Variants in SLC39A10 observed in about 807,000 individuals in gnomAD.
SLC39A10 encodes the protein zinc transporter ZIP10.
A neutral mutation model predicts 65.1 loss-of-function variants in SLC39A10; 13 were observed. The ratio of observed to expected loss-of-function variants is 0.20; its 90% CI spans 0.13 to 0.32. The LOEUF is 0.32. SLC39A10 is among the 10% of genes least tolerant of loss of function. The pLI is 1.00. For synonymous variants in SLC39A10, 321 were observed against 342.2 expected (o/e 0.94, Z 0.68); for missense variants, 831 against 1,018.4 (o/e 0.82, Z 2.50).
Position 195,613,090 on chromosome 2 carries a change from TG to T in SLC39A10, c.-12+6858del, listed in dbSNP as rs1458739811. ...CCAACAGGTGAAGTTAAGCACGTCC[TG>T]TAAGTGAATTGATTTGTTGTATAAA... On this transcript the variant is annotated intron_variant, in intron 2 of 2. Coordinates refer to the SLC39A10 transcript ENST00000458054. Among the ~76,000 whole-genome samples, 4 of 152,292 alleles carry T rather than the reference TG, an allele frequency of 2.6e-5. No homozygotes were observed. In the East Asian group the frequency reaches 7.7e-4, roughly 29 times the overall value.
At chr2:195,724,314 AT>A in intron 8 of SLC39A10, among the ~76,000 whole-genome samples, 1 of 152,254 alleles carries the variant, frequency 6.6e-6, no homozygotes, top group Middle Eastern at 3.4e-3. Flanking sequence ...AGATGAATAG[AT>A]TTGCATGTTT....
intron 3 of SLC39A10, 94 bp downstream of exon 3, chr2:195,684,000 C>A: frequency 1.1e-6 from 1 of 884,134 alleles, no homozygotes. Context: ...AAATTATTGA[C>A]TTTCTTTTGT....
At chr2:195,704,164 T>A (rs1434484285) in intron 3 of SLC39A10, among the ~76,000 whole-genome samples, 1 of 152,202 alleles carries the variant, frequency 6.6e-6, no homozygotes, top group Non-Finnish European at 1.5e-5. Flanking sequence ...TATTTTTTTC[T>A]CCTAGAGTAT....
intron 3 of SLC39A10, among the ~76,000 whole-genome samples, chr2:195,684,638 T>G (rs567192141): frequency 6.6e-6 from 1 of 152,082 alleles, no homozygotes; most frequent in Admixed American, 6.5e-5. Context: ...TTCCTTTTTT[T>G]CCCATTCTAT....
At chr2:195,640,187 G>C (rs1688776591) in intron 2 of SLC39A10, among the ~76,000 whole-genome samples, 1 of 152,082 alleles carries the variant, frequency 6.6e-6, no homozygotes, top group Non-Finnish European at 1.5e-5. Flanking sequence ...AATAAGTGTT[G>C]AAGAAGTGGA....
intron 2 of SLC39A10, among the ~76,000 whole-genome samples, chr2:195,638,514 A>AT (rs1048211742): frequency 1.5e-3 from 218 of 149,372 alleles, no homozygotes; most frequent in African/African-American, 4.9e-3. Flanking sequence ...TAATTTTTGT[A>AT]TTTTTTTTTA....
rs60370795 is a variant in SLC39A10 at position 195,624,887 on chromosome 2, C to CAAA, written c.-12+18674_-12+18676dup. 2.1e-3 allele frequency among the ~76,000 whole-genome samples: 100 copies of CAAA among 47,284 alleles called. 1 individual carries two copies. Among genetic ancestry groups the CAAA allele is most frequent in the African/African-American group, 7.6e-3 (89 of 11,774 alleles). 31.0% of individuals were successfully genotyped at this position (47,284 alleles called of 152,430 possible). A position where few individuals can be genotyped will look rare whatever the true frequency, so the allele number is the denominator to read the frequency against. ...GGGCGAAAAGAGAGAGACTCCATCTCAAAAAAAAAAAAAAAAAAAAAAGTT... is the reference window on the plus strand; with the variant it reads ...GGGCGAAAAGAGAGAGACTCCATCTCAAAAAAAAAAAAAAAAAAAAAAAAAGTT... On this transcript the variant is annotated intron_variant, in intron 2 of 2. Transcript: ENST00000458054.
chr2:195,708,080 G>A (rs1025843011), intron 4 of SLC39A10, among the ~76,000 whole-genome samples: 2 of 152,060 alleles, frequency 1.3e-5, no homozygotes, highest in East Asian at 3.9e-4. Flanking sequence ...TGCAGAGATA[G>A]CGACCTTATT....
intron 8 of SLC39A10, among the ~76,000 whole-genome samples, chr2:195,720,256 G>A (rs1253930255): frequency 3.9e-5 from 6 of 152,148 alleles, no homozygotes; most frequent in Admixed American, 3.9e-4. Flanking sequence ...CAAGGTAATG[G>A]ATGTAAACCA....
chr2:195,675,764 C>T (rs1690060889), intron 1 of SLC39A10, among the ~76,000 whole-genome samples: 1 of 152,132 alleles, frequency 6.6e-6, no homozygotes, highest in Admixed American at 6.5e-5. Flanking sequence ...TCTTTGCGTG[C>T]CTAAGTGCAA....
chr2:195,627,014 T>C (rs1574200296), intron 2 of SLC39A10, among the ~76,000 whole-genome samples: 2 of 152,312 alleles, frequency 1.3e-5, no homozygotes, highest in South Asian at 4.1e-4. Context: ...TCTGTATTTC[T>C]GGGGGAAAAT....
rs115334329 is a variant in SLC39A10 at position 195,717,011 on chromosome 2, T to C, written c.2065+6T>C. On this transcript the variant is annotated splice_donor_region_variant and intron_variant, in intron 7 of 9. Transcript: ENST00000359634. ...CAGTGATGGGCTCGCAATTGGTAAGTGGACTGGAAACCACTGTCTATGCTA... is the reference window on the plus strand; with the variant it reads ...CAGTGATGGGCTCGCAATTGGTAAGCGGACTGGAAACCACTGTCTATGCTA... 921 of 1,611,544 alleles carry C rather than the reference T, an allele frequency of 5.7e-4. 9 individuals carry two copies. The African/African-American group carries it at 0.011, about 20-fold the overall frequency.
chr2:195,657,454 C>G, intron 1 of SLC39A10, 173 bp downstream of exon 1: 1 of 985,930 alleles, frequency 1.0e-6, no homozygotes, highest in Non-Finnish European at 1.2e-6. Context: ...CTGCTGCAGT[C>G]GGCGGCGGCC....
chr2:195,613,105 T>A (rs963670228), intron 2 of SLC39A10, among the ~76,000 whole-genome samples: 5 of 152,154 alleles, frequency 3.3e-5, no homozygotes, highest in African/African-American at 1.2e-4. Context: ...GTGAATTGAT[T>A]TGTTGTATAA....
chr2:195,726,991 C>CAAGCT (rs1382586033), intron 8 of SLC39A10, among the ~76,000 whole-genome samples: 16 of 152,074 alleles, frequency 1.1e-4, no homozygotes, highest in African/African-American at 2.4e-5. Flanking sequence ...CAAGGTGGAA[C>CAAGCT]AAGCTATTGC....
upstream of SLC39A10, among the ~76,000 whole-genome samples, chr2:195,652,212 A>G (rs999856289): frequency 1.3e-5 from 2 of 152,174 alleles, no homozygotes; most frequent in East Asian, 3.9e-4. Flanking sequence ...CTGGGTTAAG[A>G]TAAGGGGCTA....
intron 8 of SLC39A10, among the ~76,000 whole-genome samples, chr2:195,727,747 G>A (rs540362426): frequency 2.6e-5 from 4 of 152,036 alleles, no homozygotes; most frequent in Admixed American, 2.6e-4. Context: ...TGTGAGTACA[G>A]TTCTTTGAAT....
At chr2:195,619,091 T>C (rs1052960188) in intron 2 of SLC39A10, among the ~76,000 whole-genome samples, 2 of 40,062 alleles carry the variant, frequency 5.0e-5, no homozygotes, top group African/African-American at 2.9e-4. Flanking sequence ...AGACTCTGTC[T>C]CAAAAAAAAA....
rs988460832 is a variant in SLC39A10, at chr2:195,657,489, CAG to C, written c.-12+211_-12+212del. 7 of 985,588 alleles carry C rather than the reference CAG, an allele frequency of 7.1e-6. No individual in the cohort carries two copies. The Admixed American group carries it at 1.8e-4, about 26-fold the overall frequency. The allele number at this position is 985,588 out of a possible 1,614,324, so 61.1% of individuals were successfully genotyped here. On this transcript the variant is annotated intron_variant, in intron 1 of 9. Coordinates refer to ENST00000359634, the MANE Select transcript of SLC39A10 (RefSeq NM_020342.3). Reference sequence around the variant, plus strand: ...CAGCCGAAGCAGAGCGCGTGGTGGGCAGAGTGTTGGGCGCCGCGGCTCCTCGT... The same window carrying C: ...CAGCCGAAGCAGAGCGCGTGGTGGGCAGTGTTGGGCGCCGCGGCTCCTCGT...
Sources: allele counts gnomAD v4.1 joint callset (sites outside exome capture counted in the v4.1 genomes callset), GRCh38; gene constraint gnomAD v4.1.1; transcripts MANE v1.5; gene names NCBI Gene and HGNC (gene_info 2026-07-23, HGNC 2026-07-21).